Variants in CFAP61 observed in about 807,000 individuals in gnomAD.
The protein encoded by CFAP61 is cilia- and flagella-associated protein 61.
CFAP61 carries 107 observed loss-of-function variants against 135.6 expected under a neutral mutation model. That is an observed-to-expected ratio of 0.79 (90% CI 0.67 to 0.93). The LOEUF (loss-of-function observed/expected upper bound fraction) is 0.93. Among genes scored for constraint, CFAP61 ranks in the 40% least tolerant of loss-of-function variants. The pLI is 0.00. For synonymous variants in CFAP61, 575 were observed against 578.5 expected (o/e 0.99, Z 0.09); for missense variants, 1,507 against 1,556.2 (o/e 0.97, Z 0.53).
chr20:20,341,401 T>C (rs1200083964), intron 25 of CFAP61, among the ~76,000 whole-genome samples: 1 of 152,230 alleles, frequency 6.6e-6, no homozygotes, highest in Non-Finnish European at 1.5e-5. Context: ...AAAGGCAGCC[T>C]GTTTTTCTGG....
At chr20:20,214,870 T>C (rs1226218232) in intron 17 of CFAP61, among the ~76,000 whole-genome samples, 2 of 152,162 alleles carry the variant, frequency 1.3e-5, no homozygotes, top group Non-Finnish European at 2.9e-5. Flanking sequence ...GCTTCCTGTT[T>C]AGGGCGCAGG....
At chr20:20,117,364 A>AT (rs1443066419) in intron 8 of CFAP61, among the ~76,000 whole-genome samples, 1 of 150,410 alleles carries the variant, frequency 6.6e-6, no homozygotes, top group East Asian at 2.1e-4. Flanking sequence ...TTAATAAGTT[A>AT]AAAATAAATA....
chr20:20,273,438 A>C lies in CFAP61; in HGVS notation c.2504-3728A>C, dbSNP rs192888658. On this transcript the variant is annotated intron_variant, in intron 21 of 26. Transcript: ENST00000245957. ...CCCATTCTGTGACTGGATAGTTCTT[A>C]TAGTGCCAACTTAGTAGTGAATACC... is the stretch of plus-strand genomic sequence containing the variant. 2.3e-3 allele frequency among the ~76,000 whole-genome samples: 352 copies of C among 152,296 alleles called. 4 individuals are homozygous for C. The highest frequency in any genetic ancestry group is 8.2e-3 in the African/African-American group (339 of 41,566).
At chr20:20,085,292 G>A in intron 6 of CFAP61, 8 of 985,398 alleles carry the variant, frequency 8.1e-6, no homozygotes, top group Non-Finnish European at 9.6e-6. Flanking sequence ...TCCATAGCTG[G>A]GGTGTTTTGT....
intron 22 of CFAP61, among the ~76,000 whole-genome samples, chr20:20,284,581 G>A (rs1434584143): frequency 2.6e-5 from 4 of 152,070 alleles, no homozygotes; most frequent in Non-Finnish European, 5.9e-5. Flanking sequence ...CACCGCGCCC[G>A]GCCTTCAATT....
chr20:20,057,198 G>A (rs1435131411), intron 2 of CFAP61, among the ~76,000 whole-genome samples: 2 of 151,262 alleles, frequency 1.3e-5, no homozygotes, highest in Non-Finnish European at 2.9e-5. Context: ...TTGTCTTTAT[G>A]GGGCTTATTG....
Position 20,277,279 on chromosome 20 carries a change from A to G in CFAP61, c.2617A>G (p.Thr873Ala), listed in dbSNP as rs780581221. ...IHLVQPPPAS[T>A]ITCINNYSVE... is the part of the protein sequence containing the mutation. ...CCTCGTGCAGCCCCCGCCCGCCTCCACCATCACCTGCATCAACAACTACTC... is the reference window on the plus strand; with the variant it reads ...CCTCGTGCAGCCCCCGCCCGCCTCCGCCATCACCTGCATCAACAACTACTC... The change falls in exon 22 of 27, where the codon ACC (threonine) becomes GCC (alanine). Residue 873 changes from threonine (T) to alanine (A), a missense_variant. Physicochemically the swap from Thr to Ala is moderately conservative, Grantham distance 58. Transcript: ENST00000245957. The G allele has an allele frequency of 1.4e-5, 22 of 1,613,932 alleles. No individual in the cohort carries two copies. The East Asian group carries it at 4.7e-4, about 34-fold the overall frequency.
chr20:20,251,733 C>A lies in CFAP61; in HGVS notation c.2298C>A (p.His766Gln). Residue 766 changes from histidine (H) to glutamine (Q), a missense_variant, in exon 20 of 27, where the codon CAC (histidine) becomes CAA (glutamine). By Grantham distance (24) the His-to-Gln change is conservative (BLOSUM62 0). Transcript: ENST00000245957. Reference sequence around the variant, plus strand: ...CGGACGAGATCGTGCCCTACGACCACCTCATCCTCTGCACCGGGCAGCAGT... The same window carrying A: ...CGGACGAGATCGTGCCCTACGACCAACTCATCCTCTGCACCGGGCAGCAGT... ...LSTDEIVPYDHLILCTGQQYQ... is the reference protein window; with the variant it reads ...LSTDEIVPYDQLILCTGQQYQ... 1.9e-6 allele frequency: 3 copies of A among 1,613,988 alleles called. No homozygotes were observed. The highest frequency in any genetic ancestry group is 2.2e-5 in the East Asian group (1 of 44,880).
Position 20,360,668 on chromosome 20 carries a change from C to A in CFAP61, c.*258C>A. 1 of 490,140 alleles carries A rather than the reference C, an allele frequency of 2.0e-6. No homozygotes were observed. The highest frequency in any genetic ancestry group is 3.6e-6 in the Non-Finnish European group (1 of 278,244). 30.4% of individuals were successfully genotyped at this position (490,140 alleles called of 1,614,324 possible). On this transcript the variant is annotated 3_prime_UTR_variant, in exon 27 of 27. Coordinates refer to ENST00000245957, the MANE Select transcript of CFAP61 (RefSeq NM_015585.4). ...TGTTCCTGTGCAGAATAATCCATTT[C>A]AGCAATAAAATGAGATCATAGTGTG...
At chr20:20,262,845 C>T (rs59345711) in intron 20 of CFAP61, 111 bp from the exon 21 acceptor site, 19 of 459,220 alleles carry the variant, frequency 4.1e-5, no homozygotes, top group African/African-American at 1.5e-4. Flanking sequence ...GATTGTATCT[C>T]GGGACAGAAA....
chr20:20,251,548 CGCTGTCA>C, intron 19 of CFAP61, 40 bp from the exon 20 acceptor site: 1 of 1,590,484 alleles, frequency 6.3e-7, no homozygotes, highest in Non-Finnish European at 8.6e-7. Context: ...AATTAATGCC[CGCTGTCA>C]GCTGCTCAGA....
intron 25 of CFAP61, among the ~76,000 whole-genome samples, chr20:20,333,069 G>A (rs1042787983): frequency 5.3e-5 from 8 of 152,190 alleles, no homozygotes; most frequent in Admixed American, 3.3e-4. Flanking sequence ...AAAAACTGCA[G>A]TTATGCCAAA....
At chr20:20,239,833 T>TAATTTAAAAA (rs2049883776) in intron 18 of CFAP61, among the ~76,000 whole-genome samples, 1 of 152,016 alleles carries the variant, frequency 6.6e-6, no homozygotes, top group Non-Finnish European at 1.5e-5. Flanking sequence ...CCAGTAGCTG[T>TAATTTAAAAA]GTGGAAGATG....
intron 25 of CFAP61, among the ~76,000 whole-genome samples, chr20:20,340,848 A>G (rs2058415944): frequency 1.3e-5 from 2 of 152,116 alleles, no homozygotes; most frequent in African/African-American, 4.8e-5. Flanking sequence ...CCATGTTCTG[A>G]TCCAGCGAGT....
chr20:20,196,816 G>A (rs747714825), intron 16 of CFAP61, 40 bp downstream of exon 16: 7 of 1,537,808 alleles, frequency 4.6e-6, no homozygotes, highest in East Asian at 4.5e-5. Flanking sequence ...GCAGGTCAAC[G>A]TTCACAGTGT....
intron 26 of CFAP61, among the ~76,000 whole-genome samples, chr20:20,348,689 C>CAAAAAAAAAAAAAAAAA (rs71198052): frequency 5.6e-5 from 3 of 53,460 alleles, no homozygotes; most frequent in African/African-American, 2.2e-4. Context: ...GACTCCGTAT[C>CAAAAAAAAAAAAAAAAA]AAAAAAAAAA....
At chr20:20,270,893 A>G (rs2053290827) in intron 21 of CFAP61, among the ~76,000 whole-genome samples, 1 of 152,186 alleles carries the variant, frequency 6.6e-6, no homozygotes, top group Non-Finnish European at 1.5e-5. Context: ...GCTGGTTTCA[A>G]ACTCCTGACC....
At chr20:20,331,582 G>A (rs2057999237) in intron 25 of CFAP61, among the ~76,000 whole-genome samples, 1 of 152,064 alleles carries the variant, frequency 6.6e-6, no homozygotes, top group African/African-American at 2.4e-5. Flanking sequence ...TTTCTACTGA[G>A]CACTTGTTCA....
rs143805949 is a variant in CFAP61, at chr20:20,085,373, C to T, written c.567-5471C>T. 42 of 1,334,586 alleles carry T rather than the reference C, an allele frequency of 3.1e-5. No individual in the cohort carries two copies. In the African/African-American group the frequency reaches 5.1e-4, roughly 16 times the overall value. 82.7% of individuals were successfully genotyped at this position (1,334,586 alleles called of 1,614,324 possible). A position where few individuals can be genotyped will look rare whatever the true frequency, so the allele number is the denominator to read the frequency against. On this transcript the variant is annotated intron_variant, in intron 6 of 26. Transcript: ENST00000245957. ...GGCTGATGTCATACTTTATCATTAGCACTCGGGCTGATGCAAGATCATAAA... is the reference window on the plus strand; with the variant it reads ...GGCTGATGTCATACTTTATCATTAGTACTCGGGCTGATGCAAGATCATAAA...
Sources: gnomAD v4.1 joint callset for allele counts (sites outside exome capture counted in the v4.1 genomes callset) on GRCh38, gnomAD v4.1.1 for gene constraint, MANE v1.5 for transcripts, NCBI Gene and HGNC (gene_info 2026-07-23, HGNC 2026-07-21) for gene names.